Variants in CRISP1 observed in about 807,000 individuals in gnomAD.
The protein encoded by CRISP1 is cysteine rich secretory protein 1.
In CRISP1, 44 loss-of-function variants were observed where a neutral mutation model predicts 33.1. The ratio of observed to expected loss-of-function variants is 1.33; its 90% CI spans 1.05 to 1.71. CRISP1 has a LOEUF of 1.71. Ranked by LOEUF, CRISP1 falls within the 40% of genes most tolerant of loss-of-function variation. The pLI, the probability that CRISP1 is intolerant of heterozygous loss-of-function variation, is 0.00. For synonymous variants in CRISP1, 103 were observed against 98.7 expected (o/e 1.04, Z -0.26); for missense variants, 390 against 301.2 (o/e 1.29, Z -2.18).
chr6:49,848,219 C>T lies in CRISP1; in HGVS notation c.276G>A (p.Arg92=), dbSNP rs143712708. 3,062 of 1,584,602 alleles carry T rather than the reference C, an allele frequency of 1.9e-3. 6 individuals carry two copies. The highest frequency in any genetic ancestry group is 2.5e-3 in the Non-Finnish European group (2,899 of 1,168,144). The change falls in exon 4 of 8, where the codon AGG becomes AGA. Residue 92 remains arginine (R), a synonymous_variant. Transcript: ENST00000335847. ...CDMTESNPLE[R]RLPNTFCGEN... is the part of the protein sequence containing the mutation. ...TAGATACACACTTACTTGGAAGTCT[C>T]CTCTCAAGGGGGTTGCTCTCTGTCA...
At chr6:49,844,882 T>C (rs935973519) in intron 5 of CRISP1, among the ~76,000 whole-genome samples, 1 of 152,214 alleles carries the variant, frequency 6.6e-6, no homozygotes. Flanking sequence ...CGAGAAATTT[T>C]ACCTCTGGAT....
intron 5 of CRISP1, among the ~76,000 whole-genome samples, chr6:49,845,390 T>C (rs1258365333): frequency 1.3e-5 from 2 of 152,162 alleles, no homozygotes; most frequent in African/African-American, 2.4e-5. Flanking sequence ...ATCATAGACT[T>C]CTAGGATACA....
At chr6:49,867,570 T>C (rs1771828059), upstream of CRISP1, among the ~76,000 whole-genome samples, 1 of 151,964 alleles carries the variant, frequency 6.6e-6, no homozygotes, top group Non-Finnish European at 1.5e-5. Context: ...GGTTAGGAAA[T>C]AAAAATTAAA....
intron 1 of CRISP1, among the ~76,000 whole-genome samples, chr6:49,873,247 C>A (rs894017457): frequency 2.6e-5 from 4 of 151,980 alleles, no homozygotes; most frequent in African/African-American, 9.7e-5. Context: ...TATAACACAA[C>A]TTTCCTTATT....
At chr6:49,840,121 T>C (rs1323472082) in intron 6 of CRISP1, among the ~76,000 whole-genome samples, 1 of 152,178 alleles carries the variant, frequency 6.6e-6, no homozygotes, top group Non-Finnish European at 1.5e-5. Flanking sequence ...AGTGCAGAAG[T>C]GATATTGAAC....
At chr6:49,874,124 G>A (rs1771982410) in intron 1 of CRISP1, among the ~76,000 whole-genome samples, 1 of 151,964 alleles carries the variant, frequency 6.6e-6, no homozygotes, top group African/African-American at 2.4e-5. Flanking sequence ...AAACAAATGA[G>A]GAGGGAGACA....
intron 1 of CRISP1, among the ~76,000 whole-genome samples, chr6:49,873,444 T>C (rs552699171): frequency 6.6e-6 from 1 of 152,244 alleles, no homozygotes; most frequent in South Asian, 2.1e-4. Flanking sequence ...GTTTACACTT[T>C]GGCAGCCAGG....
chr6:49,856,756 A>T (rs185099064), intron 2 of CRISP1, among the ~76,000 whole-genome samples: 2 of 152,216 alleles, frequency 1.3e-5, no homozygotes, highest in Admixed American at 1.3e-4. Context: ...AAAGGTGAAT[A>T]TTATTGGCTG....
rs541272096 is a variant in CRISP1 at position 49,876,726 on chromosome 6, C to T, written c.-3+283G>A. Reference sequence around the variant, plus strand: ...GCCATAAAGAAGAACACGATTATGTCCTTTGCAGGGACATAGAAGGACTTG... The same window carrying T: ...GCCATAAAGAAGAACACGATTATGTTCTTTGCAGGGACATAGAAGGACTTG... On this transcript the variant is annotated intron_variant, in intron 1 of 7. Transcript: ENST00000505118. Among the ~76,000 whole-genome samples the T allele has an allele frequency of 3.4e-4, 51 of 152,078 alleles. 1 individual carries two copies. The South Asian group carries it at 9.3e-3, about 28-fold the overall frequency.
At chr6:49,848,158 C>CT in intron 4 of CRISP1, 51 bp downstream of exon 4, 1 of 940,492 alleles carries the variant, frequency 1.1e-6, no homozygotes, top group South Asian at 1.6e-5. Flanking sequence ...CCCTGTTTTA[C>CT]TATTTTTTTT....
intron 1 of CRISP1, among the ~76,000 whole-genome samples, chr6:49,871,973 A>G (rs1771934098): frequency 6.6e-6 from 1 of 152,128 alleles, no homozygotes; most frequent in Admixed American, 6.5e-5. Context: ...AGGAATCGCC[A>G]CACTGACTTC....
intron 7 of CRISP1, among the ~76,000 whole-genome samples, chr6:49,836,374 G>A (rs894056235): frequency 2.8e-5 from 4 of 145,220 alleles, no homozygotes; most frequent in Non-Finnish European, 6.0e-5. Flanking sequence ...CTCGCTCTGT[G>A]GCCCAGGCAG....
chr6:49,876,897 G>C (rs922308292), intron 1 of CRISP1: 2 of 151,994 alleles, frequency 1.3e-5, no homozygotes, highest in African/African-American at 2.4e-5. Context: ...GGGAAGATAG[G>C]GGGAGGGAGA....
chr6:49,870,805 T>C (rs1323532953), upstream of CRISP1, among the ~76,000 whole-genome samples: 1 of 152,022 alleles, frequency 6.6e-6, no homozygotes, highest in Non-Finnish European at 1.5e-5. Context: ...GGGTTTCTAA[T>C]AACAAAATAG....
In CRISP1 at chr6:49,835,186, G is replaced by A; in HGVS notation, c.*130C>T. 5.1e-6 allele frequency: 5 copies of A among 979,852 alleles called. No individual in the cohort carries two copies. The highest frequency in any genetic ancestry group is 7.4e-6 in the Non-Finnish European group (5 of 672,518). 60.7% of individuals were successfully genotyped at this position (979,852 alleles called of 1,614,324 possible). A position where few individuals can be genotyped will look rare whatever the true frequency, so the allele number is the denominator to read the frequency against. On this transcript the variant is annotated 3_prime_UTR_variant, in exon 8 of 8. Coordinates refer to ENST00000335847, the MANE Select transcript of CRISP1 (RefSeq NM_001131.3). ...TACTTCAGGATGTATCAGGATGGGA[G>A]TTAAGGTCTCCAGCATGATTAAAAT...
intron 3 of CRISP1, among the ~76,000 whole-genome samples, chr6:49,850,449 C>T (rs979099557): frequency 6.6e-6 from 1 of 151,928 alleles, no homozygotes; most frequent in East Asian, 1.9e-4. Flanking sequence ...TGAATTCCAG[C>T]TTTAACAAGT....
rs143997046 is a variant in CRISP1 at position 49,838,041 on chromosome 6, T to C, written c.622+396A>G. On this transcript the variant is annotated intron_variant, in intron 7 of 7. Coordinates refer to ENST00000335847, the MANE Select transcript of CRISP1 (RefSeq NM_001131.3). The stretch of plus-strand genomic sequence containing the variant: ...GTGGTCAGGCAACCTGGGTAGGTAG[T>C]CATGGAGGGGCAAGCAATTGGAGAA... Among the ~76,000 whole-genome samples the C allele has an allele frequency of 3.2e-3, 492 of 152,216 alleles. 2 individuals are homozygous for C. The highest frequency in any genetic ancestry group is 0.011 in the African/African-American group (469 of 41,546).
At chr6:49,861,325 T>C (rs748498566) in intron 1 of CRISP1, among the ~76,000 whole-genome samples, 2 of 151,998 alleles carry the variant, frequency 1.3e-5, no homozygotes, top group Non-Finnish European at 2.9e-5. Flanking sequence ...CTGATGAACA[T>C]AGATGCAAAG....
In CRISP1 at chr6:49,852,009, G is replaced by A. The variant is rs142755504; in HGVS notation, c.187C>T (p.Leu63=). The change falls in exon 3 of 8, where the codon CTG becomes TTG. Residue 63 remains leucine (L), a synonymous_variant. Coordinates refer to ENST00000335847, the MANE Select transcript of CRISP1 (RefSeq NM_001131.3). ...RRVVPPASNM[L]KMSWSEEAAQ... is the part of the protein sequence containing the mutation. ...CTATTTTTTGATCTTACCATCTTCAGCATGTTGCTGGCTGGTGGAACTACT... is the reference window on the plus strand; with the variant it reads ...CTATTTTTTGATCTTACCATCTTCAACATGTTGCTGGCTGGTGGAACTACT... 110 of 1,607,648 alleles carry A rather than the reference G, an allele frequency of 6.8e-5. No homozygotes were observed. Among genetic ancestry groups the A allele is most frequent in the Middle Eastern group, 1.7e-4 (1 of 6,042 alleles).
Sources: gnomAD v4.1 joint callset for allele counts (sites outside exome capture counted in the v4.1 genomes callset) on GRCh38, gnomAD v4.1.1 for gene constraint, MANE v1.5 for transcripts, NCBI Gene and HGNC (gene_info 2026-07-23, HGNC 2026-07-21) for gene names.